Variants in DTNB observed in about 807,000 individuals in gnomAD.
DTNB encodes the protein dystrobrevin beta.
DTNB carries 63 observed loss-of-function variants against 90.7 expected under a neutral mutation model. That is an observed-to-expected ratio of 0.69 (90% confidence interval 0.57 to 0.86). The LOEUF (loss-of-function observed/expected upper bound fraction) is 0.86. DTNB is among the 40% of genes least tolerant of loss of function. The probability of loss-of-function intolerance (pLI) is 0.00; values close to 1 mark genes in which losing one functional copy is unlikely to be tolerated. For synonymous variants in DTNB, 277 were observed against 286.7 expected (o/e 0.97, Z 0.34); for missense variants, 744 against 807.1 (o/e 0.92, Z 0.95).
chr2:25,462,063 G>T (rs1322742810), intron 10 of DTNB, among the ~76,000 whole-genome samples: 2 of 152,164 alleles, frequency 1.3e-5, no homozygotes, highest in South Asian at 2.1e-4. Context: ...CATTTCTAAA[G>T]ATATGTTTCC....
At chr2:25,425,304 C>T (rs1219549617) in intron 15 of DTNB, among the ~76,000 whole-genome samples, 1 of 152,150 alleles carries the variant, frequency 6.6e-6, no homozygotes, top group African/African-American at 2.4e-5. Context: ...ACCACCACCA[C>T]CAACACCACC....
At chr2:25,474,936 T>C (rs546198733) in intron 10 of DTNB, among the ~76,000 whole-genome samples, 3 of 152,216 alleles carry the variant, frequency 2.0e-5, no homozygotes, top group Non-Finnish European at 4.4e-5. Context: ...CCACATAAGA[T>C]AGCCAACTTA....
chr2:25,389,584 G>A (rs113448593), intron 16 of DTNB, among the ~76,000 whole-genome samples: 1,767 of 152,304 alleles, frequency 0.012, 38 homozygotes, highest in African/African-American at 0.04. Flanking sequence ...TCAGCACAAC[G>A]GGAACTGAGT....
chr2:25,378,316 C>T (rs2036447564), intron 20 of DTNB, among the ~76,000 whole-genome samples: 2 of 152,172 alleles, frequency 1.3e-5, no homozygotes, highest in Admixed American at 6.5e-5. Flanking sequence ...TCCAGGGCAG[C>T]GAGAGAATGT....
At chr2:25,560,681 T>A (rs1219887859) in intron 8 of DTNB, among the ~76,000 whole-genome samples, 2 of 152,190 alleles carry the variant, frequency 1.3e-5, no homozygotes, top group African/African-American at 4.8e-5. Flanking sequence ...TCATCCTCCA[T>A]AACTGCATAA....
intron 10 of DTNB, among the ~76,000 whole-genome samples, chr2:25,459,429 A>G (rs781192549): frequency 2.0e-5 from 3 of 152,086 alleles, no homozygotes; most frequent in African/African-American, 4.8e-5. Context: ...CTTGTAGGCC[A>G]TTATAAGTAT....
At chr2:25,653,568 G>A (rs2081471741) in intron 1 of DTNB, among the ~76,000 whole-genome samples, 2 of 140,604 alleles carry the variant, frequency 1.4e-5, no homozygotes, top group Admixed American at 1.5e-4. Context: ...CTGGAGTGCA[G>A]TGGTGCGATC....
chr2:25,503,935 AAC>A (rs1491440568), intron 9 of DTNB, among the ~76,000 whole-genome samples: 3 of 151,866 alleles, frequency 2.0e-5, no homozygotes, highest in East Asian at 1.9e-4. Context: ...GAAAAAAAAA[AAC>A]AGTTTTATTT....
In DTNB at chr2:25,388,201, C is replaced by A; in HGVS notation, c.1735+1G>T. On this transcript the variant is annotated splice_donor_variant, in intron 17 of 20. Coordinates refer to ENST00000406818, the MANE Select transcript of DTNB (RefSeq NM_021907.5). LOFTEE classifies it high-confidence loss of function. ...CGCTGAACTCTGCTCCAGAAACTCA[C>A]CTTGTGCGAAGGCCTCCTGCACGTC... 6.4e-7 allele frequency: 1 copy of A among 1,564,348 alleles called. No homozygotes were observed. The highest frequency in any genetic ancestry group is 8.7e-7 in the Non-Finnish European group (1 of 1,155,260).
At chr2:25,500,559 C>G (rs1421608084) in intron 9 of DTNB, among the ~76,000 whole-genome samples, 2 of 152,114 alleles carry the variant, frequency 1.3e-5, no homozygotes, top group Non-Finnish European at 2.9e-5. Flanking sequence ...AGAAAAACCA[C>G]CTACCATTTC....
chr2:25,483,479 T>C (rs1323900246), intron 9 of DTNB, among the ~76,000 whole-genome samples: 1 of 152,350 alleles, frequency 6.6e-6, no homozygotes, highest in East Asian at 1.9e-4. Context: ...AATTCTCTAC[T>C]AGAATCTGAA....
At chr2:25,613,617 A>G (rs1281430423) in intron 4 of DTNB, among the ~76,000 whole-genome samples, 1 of 152,140 alleles carries the variant, frequency 6.6e-6, no homozygotes, top group Non-Finnish European at 1.5e-5. Flanking sequence ...TAATGAACAT[A>G]GTTACAAAAA....
At chr2:25,636,957 G>C (rs1256448529) in intron 3 of DTNB, among the ~76,000 whole-genome samples, 2 of 151,910 alleles carry the variant, frequency 1.3e-5, no homozygotes, top group African/African-American at 2.4e-5. Flanking sequence ...ACTTAAAGTA[G>C]AGTAGAATTT....
At chr2:25,650,017 C>T (rs956714621) in intron 2 of DTNB, 2 of 985,254 alleles carry the variant, frequency 2.0e-6, no homozygotes, top group Admixed American at 6.1e-5. Context: ...AGAAGTCATA[C>T]TTACCAAACG....
intron 12 of DTNB, among the ~76,000 whole-genome samples, chr2:25,438,122 T>A (rs1006766689): frequency 6.6e-6 from 1 of 152,084 alleles, no homozygotes; most frequent in East Asian, 1.9e-4. Flanking sequence ...CTGCTTGGGC[T>A]TGGGGTGTTC....
At chr2:25,533,078 C>G (rs535941145) in intron 8 of DTNB, among the ~76,000 whole-genome samples, 1 of 152,286 alleles carries the variant, frequency 6.6e-6, no homozygotes, top group South Asian at 2.1e-4. Context: ...AATCCCAGCA[C>G]TTTGGGAGGC....
At position 25,576,957 on chromosome 2, in the gene DTNB, C is replaced by A; in HGVS notation, c.757G>T (p.Gly253Cys). ...CSYCRCESMM[G>C]FRYRCQQCHN... Reference sequence around the variant, plus strand: ...CACTGCTGGCATCGGTACCGGAAACCCATCATACTCTCACATCGGCAGTAG... The same window carrying A: ...CACTGCTGGCATCGGTACCGGAAACACATCATACTCTCACATCGGCAGTAG... Residue 253 changes from glycine (G) to cysteine (C), a missense_variant, in exon 8 of 21, where the codon GGT becomes TGT. By Grantham distance (159) the Gly-to-Cys change is radical (BLOSUM62 -3). Transcript: ENST00000406818. 6.2e-7 allele frequency: 1 copy of A among 1,611,832 alleles called. No individual in the cohort carries two copies. Among genetic ancestry groups the A allele is most frequent in the South Asian group, 1.1e-5 (1 of 90,482 alleles).
intron 10 of DTNB, among the ~76,000 whole-genome samples, chr2:25,472,636 C>A (rs142260474): frequency 0.016 from 2,388 of 152,246 alleles, 64 homozygotes; most frequent in African/African-American, 0.054. Context: ...GTAATCCCAG[C>A]ACTTTTGGAG....
chr2:25,529,556 T>C (rs2077764109), intron 9 of DTNB, among the ~76,000 whole-genome samples: 1 of 150,624 alleles, frequency 6.6e-6, no homozygotes, highest in Non-Finnish European at 1.5e-5. Context: ...TATGGAACAC[T>C]GTGTAGGGGT....
Sources: gnomAD v4.1 joint callset for allele counts (sites outside exome capture counted in the v4.1 genomes callset) on GRCh38, gnomAD v4.1.1 for gene constraint, MANE v1.5 for transcripts, NCBI Gene and HGNC (gene_info 2026-07-23, HGNC 2026-07-21) for gene names.